DAB1: variants seen among roughly 807,000 people sequenced by gnomAD.
DAB1 encodes the protein disabled homolog 1.
DAB1 carries 15 observed loss-of-function variants against 64.6 expected under a neutral mutation model. The observed-to-expected ratio is 0.23, with a 90% CI of 0.16 to 0.36. DAB1 has a LOEUF of 0.36. DAB1 is among the 10% of genes least tolerant of loss of function. The pLI, the probability that DAB1 is intolerant of heterozygous loss-of-function variation, is 1.00. For missense variants in DAB1, 596 were observed against 706.7 expected (o/e 0.84, Z 1.78); for synonymous variants, 235 against 251.9 (o/e 0.93, Z 0.64).
intron 5 of DAB1, among the ~76,000 whole-genome samples, chr1:57,897,436 T>C (rs12117610): frequency 0.24 from 36,364 of 152,124 alleles, 5,297 homozygotes; most frequent in Non-Finnish European, 0.32. Context: ...TATTGATTTT[T>C]CTCTCAATTG....
intron 1 of DAB1, among the ~76,000 whole-genome samples, chr1:57,310,717 G>C (rs1276295232): frequency 6.6e-6 from 1 of 152,196 alleles, no homozygotes; most frequent in African/African-American, 2.4e-5. Context: ...TCACTGTAGT[G>C]AGATAGCTTC....
At chr1:58,245,934 A>G (rs1291946282) in intron 4 of DAB1, among the ~76,000 whole-genome samples, 1 of 152,198 alleles carries the variant, frequency 6.6e-6, no homozygotes, top group East Asian at 1.9e-4. Context: ...GTACATGAAT[A>G]TATATTGCAA....
chr1:57,550,774 GT>G (rs1644905266), intron 7 of DAB1, among the ~76,000 whole-genome samples: 1 of 152,136 alleles, frequency 6.6e-6, no homozygotes. Context: ...TAAATAAAGT[GT>G]TTAGTAAACT....
At chr1:58,194,531 T>C (rs1035804992) in intron 4 of DAB1, among the ~76,000 whole-genome samples, 24 of 152,220 alleles carry the variant, frequency 1.6e-4, no homozygotes, top group Non-Finnish European at 3.2e-4. Flanking sequence ...GAAAGATTAA[T>C]GTTTGTAGTG....
intron 1 of DAB1, among the ~76,000 whole-genome samples, chr1:57,300,421 G>A (rs556091161): frequency 6.6e-6 from 1 of 152,192 alleles, no homozygotes; most frequent in African/African-American, 2.4e-5. Flanking sequence ...AGAGTTAACA[G>A]GGGGGATGCA....
intron 4 of DAB1, among the ~76,000 whole-genome samples, chr1:58,304,223 C>T (rs1033325066): frequency 1.3e-5 from 2 of 152,116 alleles, no homozygotes; most frequent in Non-Finnish European, 2.9e-5. Flanking sequence ...CTTTGAAAGC[C>T]ATCGTTTGTG....
At chr1:57,501,783 G>A (rs1011348294) in intron 7 of DAB1, among the ~76,000 whole-genome samples, 1 of 152,100 alleles carries the variant, frequency 6.6e-6, no homozygotes. Flanking sequence ...GGTGGAATTC[G>A]TTATCTTTCA....
chr1:57,152,915 G>C (rs757685603), intron 2 of DAB1, among the ~76,000 whole-genome samples: 1 of 152,090 alleles, frequency 6.6e-6, no homozygotes, highest in Non-Finnish European at 1.5e-5. Context: ...TAGGTCTCCA[G>C]TTTTACAATC....
chr1:58,202,499 A>AACTGCTTAG (rs1395287754), intron 4 of DAB1, among the ~76,000 whole-genome samples: 1 of 152,228 alleles, frequency 6.6e-6, no homozygotes, highest in Non-Finnish European at 1.5e-5. Context: ...GCTGGTCTGT[A>AACTGCTTAG]ACTGCTTTGA....
chr1:58,296,114 A>G (rs1422972631), intron 4 of DAB1, among the ~76,000 whole-genome samples: 15 of 146,638 alleles, frequency 1.0e-4, no homozygotes, highest in Non-Finnish European at 1.8e-4. Flanking sequence ...AAAAAGCAAG[A>G]AAGCGAGAAA....
intron 1 of DAB1, among the ~76,000 whole-genome samples, chr1:57,388,107 A>G (rs1459342320): frequency 6.6e-6 from 1 of 152,160 alleles, no homozygotes; most frequent in East Asian, 1.9e-4. Flanking sequence ...AAGTACTCAT[A>G]TTCTTGCATG....
intron 3 of DAB1, among the ~76,000 whole-genome samples, chr1:57,140,296 T>C (rs957561875): frequency 2.0e-5 from 3 of 152,140 alleles, no homozygotes; most frequent in African/African-American, 7.2e-5. Context: ...TATAATTTAG[T>C]CAATATCACA....
At chr1:57,110,367 G>A (rs565119759) in intron 4 of DAB1, among the ~76,000 whole-genome samples, 26 of 152,240 alleles carry the variant, frequency 1.7e-4, no homozygotes, top group South Asian at 4.1e-4. Context: ...GCAAGCAACC[G>A]GACACTGTTT....
chr1:58,470,669 G>A (rs1569844413), intron 3 of DAB1, among the ~76,000 whole-genome samples: 1 of 152,174 alleles, frequency 6.6e-6, no homozygotes, highest in African/African-American at 2.4e-5. Flanking sequence ...GGCCCATGCG[G>A]TTCTATTCCA....
intron 5 of DAB1, among the ~76,000 whole-genome samples, chr1:58,032,081 A>C (rs1176812843): frequency 6.6e-6 from 1 of 150,834 alleles, no homozygotes; most frequent in Non-Finnish European, 1.5e-5. Context: ...AGTGTGGTCT[A>C]TGGACAAGCA....
intron 5 of DAB1, among the ~76,000 whole-genome samples, chr1:58,005,604 T>G (rs1646570175): frequency 9.3e-6 from 1 of 107,050 alleles, no homozygotes; most frequent in African/African-American, 4.1e-5. Context: ...GCGCCTGCCT[T>G]GGTTAAAAAA....
chr1:58,512,085 A>G (rs951485518), intron 2 of DAB1, among the ~76,000 whole-genome samples: 5 of 152,200 alleles, frequency 3.3e-5, no homozygotes, highest in Admixed American at 1.3e-4. Flanking sequence ...AAAAATAGGC[A>G]AAGGATCTCA....
chr1:57,854,648 G>T (rs1408104244), intron 1 of DAB1, among the ~76,000 whole-genome samples: 1 of 152,188 alleles, frequency 6.6e-6, no homozygotes, highest in Non-Finnish European at 1.5e-5. Flanking sequence ...GGAATAGTCA[G>T]ATGCTTGCAA....
intron 1 of DAB1, among the ~76,000 whole-genome samples, chr1:57,325,454 T>C (rs1239427916): frequency 6.6e-6 from 1 of 152,230 alleles, no homozygotes; most frequent in African/African-American, 2.4e-5. Flanking sequence ...GGGATAAAAG[T>C]GTGCTTTGGT....
Sources: allele counts gnomAD v4.1 joint callset (sites outside exome capture counted in the v4.1 genomes callset), GRCh38; gene constraint gnomAD v4.1.1; transcripts MANE v1.5; gene names NCBI Gene and HGNC (gene_info 2026-07-23, HGNC 2026-07-21).